The following DMD variants were observed in gnomAD, a reference collection of about 807,000 sequenced individuals.
DMD encodes mutant dystrophin.
A neutral mutation model predicts 330.1 loss-of-function variants in DMD; 63 were observed. The ratio of observed to expected loss-of-function variants is 0.19; its 90% confidence interval spans 0.16 to 0.24. The LOEUF (loss-of-function observed/expected upper bound fraction) is 0.24, where lower values mean the gene tolerates loss of function less well. Ranked by LOEUF, DMD falls within the 10% of genes least tolerant of loss-of-function variation. The pLI, the probability that DMD is intolerant of heterozygous loss-of-function variation, is 1.00. For missense variants in DMD, 3,344 were observed against 2,684.1 expected, an observed-to-expected ratio of 1.25 and a Z score of -5.43; for synonymous variants, 1,223 against 959.8, an observed-to-expected ratio of 1.27 and a Z score of -5.07.
intron 44 of DMD, among the ~76,000 whole-genome samples, chrX:32,162,859 C>A (rs1270057619): frequency 9.1e-6 from 1 of 109,593 alleles, no homozygotes; most frequent in Non-Finnish European, 1.9e-5. Flanking sequence ...GGATTACAGG[C>A]ATGCAACAAG....
chrX:31,706,908 A>C (rs974562992), intron 52 of DMD, among the ~76,000 whole-genome samples: 2 of 112,102 alleles, frequency 1.8e-5, no homozygotes, highest in Non-Finnish European at 3.8e-5. Flanking sequence ...ATTTTTGTAC[A>C]CACAGATAAA....
intron 2 of DMD, among the ~76,000 whole-genome samples, chrX:32,869,783 A>C (rs765839163): frequency 2.7e-5 from 3 of 110,179 alleles, no homozygotes; most frequent in Non-Finnish European, 5.7e-5. Context: ...TCAGTAGATT[A>C]GGTATTGATG....
chrX:32,405,211 G>C (rs912947647), intron 30 of DMD, among the ~76,000 whole-genome samples: 2 of 111,639 alleles, frequency 1.8e-5, no homozygotes, highest in South Asian at 7.4e-4. Flanking sequence ...TCCACCTAAA[G>C]ATTTGATTTG....
intron 62 of DMD, among the ~76,000 whole-genome samples, chrX:31,289,265 AT>A (rs1386328442): frequency 0.066 from 5,846 of 88,554 alleles, 900 homozygotes; most frequent in African/African-American, 0.12. Context: ...AAAAAAAAAA[AT>A]AAAAAATAAA....
At position 32,342,084 on chromosome X, in the gene DMD, G is replaced by C. The variant is rs72468615; in HGVS notation, c.5922+16C>G. The C allele has an allele frequency of 5.0e-6, 6 of 1,202,169 alleles. No homozygotes were observed. In the South Asian group the frequency reaches 1.1e-4, roughly 21 times the overall value. On this transcript the variant is annotated intron_variant, in intron 41 of 78. Transcript: ENST00000357033. ...TAGTTGCAAACACATACGTGGGTTT[G>C]CCAGTAACAACTCACAATTTGTGCA... is the stretch of plus-strand genomic sequence containing the variant.
Position 32,876,398 on chromosome X carries a change from G to T in DMD, c.94-26578C>A, listed in dbSNP as rs188398934. ...CTAGTTATTTTCCTAAACCGTTCTT[G>T]TAAGTACTCCAACCACAGTTGCCCC... On this transcript the variant is annotated intron_variant, in intron 2 of 78. Coordinates refer to ENST00000357033, the MANE Select transcript of DMD (RefSeq NM_004006.3). Among the ~76,000 whole-genome samples the T allele has an allele frequency of 7.1e-5, 8 of 112,016 alleles. No homozygotes were observed. In the East Asian group the frequency reaches 2.3e-3, roughly 32 times the overall value.
At chrX:32,591,803 G>A (rs890748513) in intron 13 of DMD, among the ~76,000 whole-genome samples, 4 of 112,960 alleles carry the variant, frequency 3.5e-5, no homozygotes, top group South Asian at 7.3e-4. Flanking sequence ...GCATTCCTGC[G>A]CTCTTGGGGG....
chrX:32,820,844 G>T (rs1291141942), intron 5 of DMD, among the ~76,000 whole-genome samples: 1 of 112,073 alleles, frequency 8.9e-6, no homozygotes, highest in Admixed American at 9.5e-5. Context: ...TAATAAAGGA[G>T]GAAGCATGGG....
intron 1 of DMD, among the ~76,000 whole-genome samples, chrX:33,326,253 T>TAA (rs548550204): frequency 6.2e-5 from 6 of 96,187 alleles, no homozygotes; most frequent in South Asian, 4.6e-4. Flanking sequence ...AAGCAAAGGG[T>TAA]AAAAAAAAAA....
chrX:31,501,765 T>C (rs865966168), intron 56 of DMD, among the ~76,000 whole-genome samples: 10 of 112,374 alleles, frequency 8.9e-5, no homozygotes, highest in African/African-American at 2.3e-4. Context: ...ATGTGTTATA[T>C]TGAATTCATT....
intron 2 of DMD, among the ~76,000 whole-genome samples, chrX:32,865,728 A>G (rs751636349): frequency 1.8e-5 from 2 of 112,706 alleles, no homozygotes; most frequent in South Asian, 7.2e-4. Flanking sequence ...ATTTTGACTG[A>G]CACTTTAACA....
intron 73 of DMD, among the ~76,000 whole-genome samples, chrX:31,170,334 G>A (rs2039867262): frequency 9.0e-6 from 1 of 110,563 alleles, no homozygotes; most frequent in Non-Finnish European, 1.9e-5. Flanking sequence ...CTAATCTTGC[G>A]GGAAAAGGAG....
chrX:32,034,380 A>C (rs1450382681), intron 44 of DMD, among the ~76,000 whole-genome samples: 1 of 111,889 alleles, frequency 8.9e-6, no homozygotes, highest in Non-Finnish European at 1.9e-5. Flanking sequence ...TGAATAACCT[A>C]TGTCCTATAA....
In DMD at chrX:31,943,087, T is replaced by C. The variant is rs1008798838; in HGVS notation, c.6615-10860A>G. Among the ~76,000 whole-genome samples the C allele has an allele frequency of 2.7e-5, 3 of 112,513 alleles. No individual in the cohort carries two copies. The Admixed American group carries it at 2.8e-4, about 11-fold the overall frequency. On this transcript the variant is annotated intron_variant, in intron 45 of 78. Coordinates refer to ENST00000357033, the MANE Select transcript of DMD (RefSeq NM_004006.3). ...TTTTACTGGAACAGAGCTACACTCA[T>C]TCATTTACATATTGTCTATGGTTAC...
At chrX:33,048,868 A>C (rs1481408781) in intron 1 of DMD, among the ~76,000 whole-genome samples, 1 of 110,655 alleles carries the variant, frequency 9.0e-6, no homozygotes, top group African/African-American at 3.3e-5. Flanking sequence ...AGAATGTGTA[A>C]TTAGGATGTG....
chrX:31,376,914 G>C (rs16989588), intron 60 of DMD, among the ~76,000 whole-genome samples: 1 of 111,490 alleles, frequency 9.0e-6, no homozygotes, highest in African/African-American at 3.3e-5. Context: ...AAGCCCTTGC[G>C]GTTCTAACCC....
At chrX:31,347,001 C>CAAAAAAAAAAA (rs1225596180) in intron 61 of DMD, among the ~76,000 whole-genome samples, 5 of 9,621 alleles carry the variant, frequency 5.2e-4, no homozygotes, top group East Asian at 3.2e-3. Flanking sequence ...GGCTCCCTCT[C>CAAAAAAAAAAA]AAAAAAAAAA....
At chrX:32,309,685 C>T (rs2097554214) in intron 42 of DMD, among the ~76,000 whole-genome samples, 1 of 110,717 alleles carries the variant, frequency 9.0e-6, no homozygotes, top group South Asian at 3.7e-4. Context: ...AAATATAAAA[C>T]AAAAACAATA....
At chrX:32,749,515 A>T (rs184098106) in intron 7 of DMD, among the ~76,000 whole-genome samples, 1 of 112,668 alleles carries the variant, frequency 8.9e-6, no homozygotes, top group East Asian at 2.8e-4. Flanking sequence ...AACAGTTTAT[A>T]AATTATCCTG....
Sources: gnomAD v4.1 joint callset for allele counts (sites outside exome capture counted in the v4.1 genomes callset) on GRCh38, gnomAD v4.1.1 for gene constraint, MANE v1.5 for transcripts, NCBI Gene and HGNC (gene_info 2026-07-23, HGNC 2026-07-21) for gene names.